The following EFR3B variants were observed in gnomAD, a reference collection of about 807,000 sequenced individuals.
The protein encoded by EFR3B is EFR3 homolog B, also known as protein EFR3 homolog B.
A neutral mutation model predicts 104.7 loss-of-function variants in EFR3B; 64 were observed. That is an observed-to-expected ratio of 0.61 (90% CI 0.50 to 0.75). The LOEUF (loss-of-function observed/expected upper bound fraction) is 0.75, where lower values mean the gene tolerates loss of function less well. Ranked by LOEUF, EFR3B falls within the 30% of genes least tolerant of loss-of-function variation. The pLI is 0.00. For synonymous variants in EFR3B, 385 were observed against 417.9 expected (o/e 0.92, Z 0.96); for missense variants, 750 against 1,078.5 (o/e 0.70, Z 4.27).
intron 4 of EFR3B, among the ~76,000 whole-genome samples, chr2:25,120,082 C>T (rs560381481): frequency 1.3e-5 from 2 of 152,158 alleles, no homozygotes; most frequent in East Asian, 1.9e-4. Context: ...AGGCTGGGCA[C>T]GGGGGCTGAT....
At chr2:25,146,415 G>C (rs1190266088) in intron 19 of EFR3B, 1 of 152,196 alleles carries the variant, frequency 6.6e-6, no homozygotes, top group Non-Finnish European at 1.5e-5. Flanking sequence ...ACGGAAGGAA[G>C]CTCTGACTTG....
At chr2:25,074,119 C>T (rs945009744) in intron 1 of EFR3B, among the ~76,000 whole-genome samples, 1 of 152,164 alleles carries the variant, frequency 6.6e-6, no homozygotes, top group Admixed American at 6.5e-5. Flanking sequence ...ATCTTATTCT[C>T]CCTCCATTTG....
intron 1 of EFR3B, among the ~76,000 whole-genome samples, chr2:25,054,101 G>T (rs535624339): frequency 6.6e-6 from 1 of 152,150 alleles, no homozygotes; most frequent in African/African-American, 2.4e-5. Flanking sequence ...TGATGGACAC[G>T]TGGTGGTCCA....
At chr2:25,129,372 G>A (rs1291800740) in intron 6 of EFR3B, among the ~76,000 whole-genome samples, 1 of 141,246 alleles carries the variant, frequency 7.1e-6, no homozygotes, top group Non-Finnish European at 1.6e-5. Flanking sequence ...GGGGCGTGGG[G>A]TGGGGTGGGG....
At chr2:25,128,354 A>G in intron 6 of EFR3B, 22 bp downstream of exon 6, 1 of 1,551,490 alleles carries the variant, frequency 6.4e-7, no homozygotes, top group East Asian at 2.4e-5. Flanking sequence ...GGGATGGGGC[A>G]GGACAGTAGA....
chr2:25,121,984 T>G (rs1328611464), intron 5 of EFR3B, among the ~76,000 whole-genome samples, 190 bp downstream of exon 5: 1 of 151,894 alleles, frequency 6.6e-6, no homozygotes, highest in Admixed American at 6.6e-5. Context: ...TTTTTCTTTT[T>G]GAGACCGAGT....
Position 25,143,751 on chromosome 2 carries a change from G to T in EFR3B, c.1939G>T (p.Asp647Tyr). 11 of 1,551,554 alleles carry T rather than the reference G, an allele frequency of 7.1e-6. No individual in the cohort carries two copies. Among genetic ancestry groups the T allele is most frequent in the Non-Finnish European group, 9.6e-6 (11 of 1,146,976 alleles). Reference sequence around the variant, plus strand: ...ATCTTCCAGGCTGTCTCAGAATCTTGATGGGGTGGTCATTGAGCTCCTCTT... The same window carrying T: ...ATCTTCCAGGCTGTCTCAGAATCTTTATGGGGTGGTCATTGAGCTCCTCTT... ...VERPRLSQNL[D>Y]GVVIELLFRQ... Residue 647 changes from aspartate to tyrosine, a missense_variant, in exon 18 of 23, where the codon GAT becomes TAT. Transcript: ENST00000403714.
At chr2:25,104,590 C>G (rs899714940) in intron 4 of EFR3B, among the ~76,000 whole-genome samples, 1 of 152,188 alleles carries the variant, frequency 6.6e-6, no homozygotes, top group African/African-American at 2.4e-5. Context: ...AGGGCTCTCA[C>G]CACTCAGCAC....
At chr2:25,129,463 G>A (rs1374108764) in intron 6 of EFR3B, among the ~76,000 whole-genome samples, 1 of 151,358 alleles carries the variant, frequency 6.6e-6, no homozygotes. Context: ...GAGTCCTCCG[G>A]CTCCTGTTCT....
At position 25,158,260 on chromosome 2, in the gene EFR3B, G is replaced by A. The variant is rs1050711874; in HGVS notation, c.*3920G>A. 1 of 152,472 alleles carries A rather than the reference G, an allele frequency of 6.6e-6. No homozygotes were observed. The highest frequency in any genetic ancestry group is 1.5e-5 in the Non-Finnish European group (1 of 68,250). The allele number at this position is 152,472 out of a possible 1,614,324, so 9.4% of individuals were successfully genotyped here. On this transcript the variant is annotated 3_prime_UTR_variant, in exon 23 of 23. Coordinates refer to ENST00000403714, the MANE Select transcript of EFR3B (RefSeq NM_014971.2). ...TCTTCATGACCAGAAAATGGCAGCT[G>A]GCCGGTTGGGGTCCTGTGGGAAAGG...
chr2:25,080,248 A>C (rs988805951), intron 1 of EFR3B: 94 of 1,488,804 alleles, frequency 6.3e-5, no homozygotes, highest in East Asian at 1.7e-4. Flanking sequence ...ACCACCACCA[A>C]CATCAAGGAA....
rs10203222 is a variant in EFR3B at position 25,097,781 on chromosome 2, A to G, written c.212+4651A>G. Reference sequence around the variant, plus strand: ...TCCAGTTCAACTCCAATGCGAGTAAATCCCCTAGAAACGAAGGGAGAGCAG... The same window carrying G: ...TCCAGTTCAACTCCAATGCGAGTAAGTCCCCTAGAAACGAAGGGAGAGCAG... On this transcript the variant is annotated intron_variant, in intron 3 of 22. Transcript: ENST00000403714. Among the ~76,000 whole-genome samples the G allele has an allele frequency of 0.023, 3,540 of 152,156 alleles. 252 individuals carry two copies. In the East Asian group the frequency reaches 0.27, roughly 12 times the overall value.
At chr2:25,127,955 G>T (rs905062682) in intron 5 of EFR3B, among the ~76,000 whole-genome samples, 5 of 152,176 alleles carry the variant, frequency 3.3e-5, no homozygotes, top group African/African-American at 1.2e-4. Flanking sequence ...GATGGTACCA[G>T]GGCAAGGGCA....
intron 3 of EFR3B, among the ~76,000 whole-genome samples, chr2:25,100,570 G>A (rs1669404704): frequency 6.6e-6 from 1 of 152,120 alleles, no homozygotes; most frequent in South Asian, 2.1e-4. Flanking sequence ...TCGGCTCACT[G>A]CAAGCTCTGC....
At chr2:25,097,516 A>G (rs892699243) in intron 3 of EFR3B, among the ~76,000 whole-genome samples, 6 of 152,194 alleles carry the variant, frequency 3.9e-5, no homozygotes, top group African/African-American at 1.4e-4. Flanking sequence ...ACCCAGGGGC[A>G]GAACCACCCT....
At chr2:25,125,779 T>A (rs1670149397) in intron 5 of EFR3B, among the ~76,000 whole-genome samples, 1 of 152,084 alleles carries the variant, frequency 6.6e-6, no homozygotes, top group Non-Finnish European at 1.5e-5. Flanking sequence ...AAACCCTGTC[T>A]CTACTAAAAA....
chr2:25,121,633 G>A, intron 4 of EFR3B, 40 bp from the exon 5 acceptor site: 1 of 1,550,558 alleles, frequency 6.4e-7, no homozygotes, highest in East Asian at 2.4e-5. Flanking sequence ...AGCATGGTGG[G>A]TCACCTCTCT....
intron 17 of EFR3B, among the ~76,000 whole-genome samples, chr2:25,141,960 A>G (rs1167026100): frequency 6.6e-6 from 1 of 152,244 alleles, no homozygotes; most frequent in African/African-American, 2.4e-5. Context: ...AATAAAATAG[A>G]TCACAGAACA....
chr2:25,109,837 G>T (rs1178470953), intron 4 of EFR3B, among the ~76,000 whole-genome samples: 1 of 152,128 alleles, frequency 6.6e-6, no homozygotes, highest in East Asian at 1.9e-4. Context: ...CTTTAAAATG[G>T]CTAATTTTAT....
Sources: gnomAD v4.1 joint callset for allele counts (sites outside exome capture counted in the v4.1 genomes callset) on GRCh38, gnomAD v4.1.1 for gene constraint, MANE v1.5 for transcripts, NCBI Gene and HGNC (gene_info 2026-07-23, HGNC 2026-07-21) for gene names.